Variants in USP46 observed in about 807,000 individuals in gnomAD.
The protein encoded by USP46 is ubiquitin specific peptidase 46, also known as ubiquitin carboxyl-terminal hydrolase 46.
Under a neutral mutation model 44.4 loss-of-function variants are expected in USP46, and 12 were observed. The observed-to-expected ratio is 0.27, with a 90% CI of 0.17 to 0.44. The LOEUF is 0.44. Ranked by LOEUF, USP46 falls within the 20% of genes least tolerant of loss-of-function variation. USP46 has a pLI of 1.00. For synonymous variants in USP46, 155 were observed against 161.5 expected (o/e 0.96, Z 0.31); for missense variants, 248 against 444.8 (o/e 0.56, Z 3.98).
Position 52,610,511 on chromosome 4 carries a change from A to G in USP46, c.638+30T>C, listed in dbSNP as rs772321940. 19 of 1,604,818 alleles carry G rather than the reference A, an allele frequency of 1.2e-5. No individual in the cohort carries two copies. The African/African-American group carries it at 2.4e-4, about 20-fold the overall frequency. On this transcript the variant is annotated intron_variant, in intron 5 of 8. Coordinates refer to ENST00000441222, the MANE Select transcript of USP46 (RefSeq NM_022832.4). ...TCCCACTTAGTTACAAGCCTGATCA[A>G]AAGCTCAAACTGCCTCAGAGTTCAT...
intron 4 of USP46, among the ~76,000 whole-genome samples, chr4:52,615,430 AGAG>A (rs1717095977): frequency 6.6e-6 from 1 of 152,208 alleles, no homozygotes; most frequent in Admixed American, 6.5e-5. Context: ...GAGAAATAAA[AGAG>A]GACATTTCCT....
chr4:52,601,490 C>T (rs965565311), intron 7 of USP46, among the ~76,000 whole-genome samples: 5 of 152,176 alleles, frequency 3.3e-5, no homozygotes, highest in Admixed American at 6.5e-5. Context: ...TCTTTATTTA[C>T]ACATCTTAAA....
At chr4:52,627,875 C>A in intron 3 of USP46, 75 bp downstream of exon 3, 4 of 1,440,882 alleles carry the variant, frequency 2.8e-6, no homozygotes, top group Non-Finnish European at 3.7e-6. Flanking sequence ...GCCAGCTCTT[C>A]CTTTTGAGGA....
intron 6 of USP46, 72 bp from the exon 7 acceptor site, chr4:52,602,126 C>A: frequency 6.7e-7 from 1 of 1,497,576 alleles, no homozygotes; most frequent in South Asian, 1.3e-5. Context: ...CTGTCATCTG[C>A]ACAAACAGAA....
Position 52,647,846 on chromosome 4 carries a change from C to T in USP46, c.36+11269G>A, listed in dbSNP as rs558337145. On this transcript the variant is annotated intron_variant, in intron 1 of 8. Coordinates refer to ENST00000441222, the MANE Select transcript of USP46 (RefSeq NM_022832.4). The stretch of plus-strand genomic sequence containing the variant: ...ACCCAGAGAGGCCTCAGTGACCTGC[C>T]CAACACCGCTAAAGCTGGAAAGCAA... 2.0e-5 allele frequency among the ~76,000 whole-genome samples: 3 copies of T among 152,298 alleles called. No homozygotes were observed. In the South Asian group the frequency reaches 6.2e-4, roughly 32 times the overall value.
intron 1 of USP46, among the ~76,000 whole-genome samples, chr4:52,653,205 G>A (rs997357851): frequency 4.6e-5 from 7 of 152,060 alleles, no homozygotes; most frequent in East Asian, 3.9e-4. Context: ...CACAGAGTTC[G>A]TCTCAAGAAT....
intron 4 of USP46, among the ~76,000 whole-genome samples, chr4:52,622,388 T>C (rs1236643032): frequency 6.6e-6 from 1 of 152,242 alleles, no homozygotes; most frequent in African/African-American, 2.4e-5. Flanking sequence ...CTTACCAGTC[T>C]AGACCAGGCT....
rs1359413655 is a variant in USP46, at chr4:52,628,045, C to T, written c.236G>A (p.Cys79Tyr). The T allele has an allele frequency of 1.2e-6, 2 of 1,613,858 alleles. No individual in the cohort carries two copies. Among genetic ancestry groups the T allele is most frequent in the African/African-American group, 1.3e-5 (1 of 74,938 alleles). The change falls in exon 3 of 9, where the codon TGC (cysteine) becomes TAC (tyrosine). Residue 79 changes from cysteine to tyrosine, a missense_variant. Cys to Tyr is a radical substitution (Grantham distance 194, BLOSUM62 -2). Transcript: ENST00000441222. The stretch of plus-strand genomic sequence containing the variant: ...AATGCTGTGGAAAAGGTCCGCCAGG[C>T]ACGTCAGCAAGTTTTCCTTCTTCTT... ...QQKKKENLLT[C>Y]LADLFHSIAT...
intron 1 of USP46, among the ~76,000 whole-genome samples, chr4:52,653,235 G>A (rs1299240460): frequency 6.6e-6 from 1 of 152,148 alleles, no homozygotes; most frequent in African/African-American, 2.4e-5. Context: ...GCAGGGCACA[G>A]TGGTTCACAC....
chr4:52,656,710 G>A (rs762835291), intron 1 of USP46: 12 of 488,292 alleles, frequency 2.5e-5, no homozygotes, highest in African/African-American at 8.4e-5. Flanking sequence ...GTCTAAGACC[G>A]GACAACTTGT....
chr4:52,598,427 G>A (rs754241403), intron 8 of USP46: 76 of 572,234 alleles, frequency 1.3e-4, no homozygotes, highest in Non-Finnish European at 2.1e-4. Context: ...AGAACACAGC[G>A]TCAGTGAGTC....
At chr4:52,652,475 AC>A (rs1718803980) in intron 1 of USP46, among the ~76,000 whole-genome samples, 1 of 152,150 alleles carries the variant, frequency 6.6e-6, no homozygotes, top group South Asian at 2.1e-4. Flanking sequence ...AAAACAGCAC[AC>A]TCACAAATTT....
intron 4 of USP46, among the ~76,000 whole-genome samples, 181 bp downstream of exon 4, chr4:52,625,837 G>A (rs1409342878): frequency 6.6e-6 from 1 of 152,218 alleles, no homozygotes; most frequent in Non-Finnish European, 1.5e-5. Context: ...GGCCTGCTGA[G>A]ACATCCTGGA....
At chr4:52,598,786 G>A (rs1716343240) in intron 7 of USP46, 80 bp from the exon 8 acceptor site, 2 of 1,351,194 alleles carry the variant, frequency 1.5e-6, no homozygotes, top group East Asian at 2.5e-5. Context: ...TTTATAAGCA[G>A]TGATTCTCTG....
intron 3 of USP46, 55 bp downstream of exon 3, chr4:52,627,895 C>A: frequency 6.5e-7 from 1 of 1,533,866 alleles, no homozygotes; most frequent in Non-Finnish European, 8.8e-7. Flanking sequence ...AGATACAGAA[C>A]CATCAATTCT....
intron 7 of USP46, among the ~76,000 whole-genome samples, chr4:52,599,281 T>G: frequency 6.6e-6 from 1 of 151,376 alleles, no homozygotes. Context: ...GGTCAGGGCG[T>G]GGAGAGAAGC....
chr4:52,615,005 A>G (rs977014205), intron 4 of USP46, among the ~76,000 whole-genome samples: 2 of 152,192 alleles, frequency 1.3e-5, no homozygotes, highest in African/African-American at 4.8e-5. Flanking sequence ...CACTAAAAAT[A>G]CACCCAGGCA....
chr4:52,640,814 A>T (rs923565722), intron 1 of USP46, among the ~76,000 whole-genome samples: 14 of 151,988 alleles, frequency 9.2e-5, no homozygotes, highest in Non-Finnish European at 1.9e-4. Context: ...CTCAAAAAAA[A>T]AAAAAAAAAT....
chr4:52,616,645 T>A (rs747153860), intron 4 of USP46, among the ~76,000 whole-genome samples: 4 of 152,200 alleles, frequency 2.6e-5, no homozygotes, highest in Non-Finnish European at 5.9e-5. Flanking sequence ...AGTGCTAGGA[T>A]TATAGGCATG....
Sources: allele counts gnomAD v4.1 joint callset (sites outside exome capture counted in the v4.1 genomes callset), GRCh38; gene constraint gnomAD v4.1.1; transcripts MANE v1.5; gene names NCBI Gene and HGNC (gene_info 2026-07-23, HGNC 2026-07-21).